The following FGD5 variants were observed in gnomAD, a reference collection of about 807,000 sequenced individuals.
The protein encoded by FGD5 is FYVE, RhoGEF and PH domain-containing protein 5.
FGD5 carries 28 observed loss-of-function variants against 133.4 expected under a neutral mutation model. The ratio of observed to expected loss-of-function variants is 0.21; its 90% CI spans 0.16 to 0.29. The LOEUF is 0.29. Ranked by LOEUF, FGD5 falls within the 10% of genes least tolerant of loss-of-function variation. The pLI, the probability that FGD5 is intolerant of heterozygous loss-of-function variation, is 1.00. For synonymous variants in FGD5, 810 were observed against 776.5 expected, an observed-to-expected ratio of 1.04 and a Z score of -0.72; for missense variants, 1,858 against 1,895.2, an observed-to-expected ratio of 0.98 and a Z score of 0.36.
At position 14,820,192 on chromosome 3, in the gene FGD5, C is replaced by T; in HGVS notation, c.1121C>T (p.Ser374Leu). 1 of 1,613,180 alleles carries T rather than the reference C, an allele frequency of 6.2e-7. No individual in the cohort carries two copies. Among genetic ancestry groups the T allele is most frequent in the South Asian group, 1.1e-5 (1 of 90,988 alleles). ...TCTGAATCAGCGAAAGGTTTAGAAT[C>T]AGAGCAGGCACCAAAGCTGGGGCTG... is the stretch of plus-strand genomic sequence containing the variant. ...PLSESAKGLE[S>L]EQAPKLGLRA... Residue 374 changes from serine to leucine, a missense_variant, in exon 1 of 20, where the codon TCA (serine) becomes TTA (leucine). By Grantham distance (145) the Ser-to-Leu change is moderately radical. Transcript: ENST00000285046.
At chr3:14,852,123 T>C (rs2037175565) in intron 1 of FGD5, among the ~76,000 whole-genome samples, 1 of 152,164 alleles carries the variant, frequency 6.6e-6, no homozygotes, top group Non-Finnish European at 1.5e-5. Context: ...AAGGAAAATA[T>C]GGCTATACAA....
chr3:14,919,008 GAT>G (rs1452919342), intron 13 of FGD5, among the ~76,000 whole-genome samples, 175 bp downstream of exon 13: 2 of 152,000 alleles, frequency 1.3e-5, no homozygotes, highest in Admixed American at 6.6e-5. Flanking sequence ...TGGGGAATTT[GAT>G]AAAAACTTTT....
chr3:14,844,087 C>T (rs1269475436), intron 1 of FGD5, among the ~76,000 whole-genome samples: 3 of 149,672 alleles, frequency 2.0e-5, no homozygotes, highest in Non-Finnish European at 4.4e-5. Context: ...AGTGAAGAAA[C>T]TGAGGCTGAC....
chr3:14,817,562 T>A (rs1026653856), upstream of FGD5, among the ~76,000 whole-genome samples: 2 of 152,246 alleles, frequency 1.3e-5, no homozygotes, highest in African/African-American at 4.8e-5. Context: ...TACATGTGGC[T>A]CACATTCCAG....
Position 14,820,704 on chromosome 3 carries a change from A to G in FGD5, c.1633A>G (p.Thr545Ala), listed in dbSNP as rs534119807. ...RALPAKPRAF[T>A]LYPRSFSVEG... ...CTTGCCAGCAAAGCCCAGGGCCTTT[A>G]CTTTATACCCTCGGTCGTTCTCCGT... is the stretch of plus-strand genomic sequence containing the variant. Residue 545 changes from threonine (T) to alanine (A), a missense_variant, in exon 1 of 20, where the codon ACT (threonine) becomes GCT (alanine). By Grantham distance (58) the Thr-to-Ala change is moderately conservative. This residue lies in a region of FGD5 where 1,824 missense variants were observed against 1,848.9 expected (regional missense o/e 0.99). Coordinates refer to ENST00000285046, the MANE Select transcript of FGD5 (RefSeq NM_152536.4). 6.3e-7 allele frequency: 1 copy of G among 1,595,852 alleles called. No homozygotes were observed. Among genetic ancestry groups the G allele is most frequent in the East Asian group, 2.2e-5 (1 of 44,788 alleles).
At chr3:14,928,449 T>A (rs183309044) in intron 18 of FGD5, among the ~76,000 whole-genome samples, 1 of 152,288 alleles carries the variant, frequency 6.6e-6, no homozygotes, top group African/African-American at 2.4e-5. Flanking sequence ...GTTGAAAGAA[T>A]TTTACAGTGA....
chr3:14,901,200 G>T, intron 9 of FGD5, 139 bp downstream of exon 9: 1 of 911,622 alleles, frequency 1.1e-6, no homozygotes, highest in Non-Finnish European at 1.8e-6. Context: ...GAGAGCCGTG[G>T]GTTCTGGCTC....
At chr3:14,870,144 C>CGCACTGT (rs1332538640) in intron 2 of FGD5, among the ~76,000 whole-genome samples, 1 of 13,548 alleles carries the variant, frequency 7.4e-5, no homozygotes, top group East Asian at 2.5e-3. Context: ...TGAGGGAGCC[C>CGCACTGT]GAATGGCATG....
At chr3:14,870,581 A>G (rs12630394) in intron 2 of FGD5, among the ~76,000 whole-genome samples, 13,126 of 151,888 alleles carry the variant, frequency 0.086, 776 homozygotes, top group East Asian at 0.31. Flanking sequence ...AACTCTGTCA[A>G]CTCTGCTGTC....
In FGD5 at chr3:14,901,130, G is replaced by C. The variant is rs1475545765; in HGVS notation, c.3264+69G>C. On this transcript the variant is annotated intron_variant, in intron 9 of 19. Transcript: ENST00000285046. Reference sequence around the variant, plus strand: ...GGCACCTCCCCACCAGCTCCGGTCAGCCTTCTGATGCCCCACTCCTAGGGG... The same window carrying C: ...GGCACCTCCCCACCAGCTCCGGTCACCCTTCTGATGCCCCACTCCTAGGGG... 2.7e-6 allele frequency: 4 copies of C among 1,500,614 alleles called. No homozygotes were observed. The African/African-American group carries it at 5.5e-5, about 21-fold the overall frequency. 93.0% of individuals were successfully genotyped at this position (1,500,614 alleles called of 1,614,324 possible).
At chr3:14,880,504 C>T in intron 2 of FGD5, 68 bp from the exon 3 acceptor site, 2 of 1,504,064 alleles carry the variant, frequency 1.3e-6, no homozygotes, top group Non-Finnish European at 1.8e-6. Flanking sequence ...TTGCCTCCAG[C>T]AGCATGGTGG....
At chr3:14,890,733 GAATT>G (rs778008768) in intron 4 of FGD5, among the ~76,000 whole-genome samples, 1 of 152,216 alleles carries the variant, frequency 6.6e-6, no homozygotes, top group Non-Finnish European at 1.5e-5. Flanking sequence ...GATTCAGTGA[GAATT>G]AATTACAGAC....
intron 1 of FGD5, among the ~76,000 whole-genome samples, chr3:14,845,094 C>T (rs750949324): frequency 1.3e-5 from 2 of 152,128 alleles, no homozygotes; most frequent in Non-Finnish European, 2.9e-5. Context: ...AAAATGCCTA[C>T]AGCTTCTGGG....
intron 9 of FGD5, among the ~76,000 whole-genome samples, chr3:14,901,848 G>A (rs946652471): frequency 6.6e-6 from 1 of 152,236 alleles, no homozygotes; most frequent in African/African-American, 2.4e-5. Context: ...GTTGGGGAGT[G>A]GAGATACAAG....
Position 14,819,002 on chromosome 3 carries a change from A to G in FGD5, c.-70A>G, listed in dbSNP as rs2036426189. 6.1e-6 allele frequency: 9 copies of G among 1,474,838 alleles called. No individual in the cohort carries two copies. Among genetic ancestry groups the G allele is most frequent in the Non-Finnish European group, 8.1e-6 (9 of 1,111,796 alleles). The allele number at this position is 1,474,838 out of a possible 1,614,324, so 91.4% of individuals were successfully genotyped here. A position where few individuals can be genotyped will look rare whatever the true frequency, so the allele number is the denominator to read the frequency against. On this transcript the variant is annotated 5_prime_UTR_variant, in exon 1 of 20. Transcript: ENST00000285046. The surrounding 1 kb of genome is among the most constrained non-coding windows in gnomAD (Gnocchi z 4.1). ...CTCCCAAGCCAAAGACTACCAGTCC[A>G]CTGACGCCAGTGACCGCGCCCAAAT...
intron 9 of FGD5, among the ~76,000 whole-genome samples, chr3:14,905,666 C>CT (rs2038324520): frequency 6.6e-6 from 1 of 152,048 alleles, no homozygotes; most frequent in African/African-American, 2.4e-5. Context: ...CCTCCATCTG[C>CT]TTGCGGGTGG....
Position 14,917,226 on chromosome 3 carries a change from T to G in FGD5, c.3406-23T>G. ...GCAGCCTTCTGGGGCCAGGGTCCTC[T>G]CATAGGGTTTCCCTCTCTCCAGATG... On this transcript the variant is annotated intron_variant, in intron 11 of 19. Coordinates refer to ENST00000285046, the MANE Select transcript of FGD5 (RefSeq NM_152536.4). The surrounding 1 kb of genome is among the most constrained non-coding windows in gnomAD (Gnocchi z 4.1). 6 of 1,608,490 alleles carry G rather than the reference T, an allele frequency of 3.7e-6. No homozygotes were observed. The highest frequency in any genetic ancestry group is 5.1e-6 in the Non-Finnish European group (6 of 1,177,078).
chr3:14,862,246 T>C (rs1309515446), intron 1 of FGD5, among the ~76,000 whole-genome samples: 1 of 152,194 alleles, frequency 6.6e-6, no homozygotes, highest in Non-Finnish European at 1.5e-5. Flanking sequence ...CACCACCTGC[T>C]CCTGCTGCCT....
At chr3:14,897,728 A>T in intron 5 of FGD5, 59 bp downstream of exon 5, 1 of 1,520,444 alleles carries the variant, frequency 6.6e-7, no homozygotes, top group Non-Finnish European at 8.8e-7. Context: ...ATGGAGACGG[A>T]TAAAAACACC....
Sources: gnomAD v4.1 joint callset for allele counts (sites outside exome capture counted in the v4.1 genomes callset) on GRCh38, gnomAD v4.1.1 for gene constraint, gnomAD v4.1.1 regional missense constraint, Gnocchi (gnomAD v3.1) non-coding constraint, MANE v1.5 for transcripts, NCBI Gene and HGNC (gene_info 2026-07-23, HGNC 2026-07-21) for gene names.